The following MAP2K7 variants were observed in gnomAD, a reference collection of about 807,000 sequenced individuals.
MAP2K7 encodes the protein mitogen-activated protein kinase kinase 7, also known as dual specificity mitogen-activated protein kinase kinase 7.
In MAP2K7, 12 loss-of-function variants were observed where a neutral mutation model predicts 47.7. The ratio of observed to expected loss-of-function variants is 0.25; its 90% CI spans 0.16 to 0.41. The LOEUF (loss-of-function observed/expected upper bound fraction) is 0.41, where lower values mean the gene tolerates loss of function less well. MAP2K7 is among the 10% of genes least tolerant of loss of function. The pLI is 1.00. For missense variants in MAP2K7, 415 were observed against 600.3 expected, an observed-to-expected ratio of 0.69 and a Z score of 3.23; for synonymous variants, 299 against 243.0, an observed-to-expected ratio of 1.23 and a Z score of -2.14.
chr19:7,906,878 G>T (rs553841548), intron 1 of MAP2K7: 1 of 152,300 alleles, frequency 6.6e-6, no homozygotes, highest in East Asian at 1.9e-4. Flanking sequence ...AAAATTAGCC[G>T]GGCATGGTGG....
At chr19:7,904,975 C>G (rs1426371328) in intron 1 of MAP2K7, among the ~76,000 whole-genome samples, 1 of 151,726 alleles carries the variant, frequency 6.6e-6, no homozygotes, top group African/African-American at 2.4e-5. Context: ...ACCTCGGTAC[C>G]TACCTCCCTG....
rs1447211340 is a variant in MAP2K7, at chr19:7,910,746, C to G, written c.618C>G (p.Leu206=). The change falls in exon 6 of 11, where the codon CTC becomes CTG. Residue 206 remains leucine (L), a synonymous_variant. Coordinates refer to ENST00000397979, the MANE Select transcript of MAP2K7 (RefSeq NM_145185.4). The part of the protein sequence containing the change: ...MELMGTCAEK[L]KKRMQGPIPE... ...TCATGGGCACCTGCGCTGAGAAGCT[C>G]AAGAAGCGGATGCAGGGCCCCATCC... 1.2e-6 allele frequency: 2 copies of G among 1,612,086 alleles called. No homozygotes were observed. The highest frequency in any genetic ancestry group is 1.3e-5 in the African/African-American group (1 of 74,978).
chr19:7,913,789 C>G lies in MAP2K7; in HGVS notation c.*1358C>G, dbSNP rs1266808576. The stretch of plus-strand genomic sequence containing the variant: ...AAACAAGAAAAAAAAAACACAAAAC[C>G]CCGTAAAATCACAAAGAAAATCCAA... On this transcript the variant is annotated 3_prime_UTR_variant, in exon 11 of 11. Transcript: ENST00000397979. The G allele has an allele frequency of 6.6e-6, 1 of 152,416 alleles. No homozygotes were observed. The highest frequency in any genetic ancestry group is 1.5e-5 in the Non-Finnish European group (1 of 67,994). The allele number at this position is 152,416 out of a possible 1,614,324, so 9.4% of individuals were successfully genotyped here. A position where few individuals can be genotyped will look rare whatever the true frequency, so the allele number is the denominator to read the frequency against.
Position 7,910,263 on chromosome 19 carries a change from T to C in MAP2K7, c.337T>C (p.Tyr113His), listed in dbSNP as rs1428581952. Reference protein sequence around the residue: ...TGYLTIGGQRYQAEINDLENL... With the variant: ...TGYLTIGGQRHQAEINDLENL... Reference sequence around the variant, plus strand: ...CCAACCCTCCCTCTCCTCCCAGCGCTACCAGGCAGAAATCAACGACCTGGA... The same window carrying C: ...CCAACCCTCCCTCTCCTCCCAGCGCCACCAGGCAGAAATCAACGACCTGGA... Residue 113 changes from tyrosine (Y) to histidine (H), a missense_variant, in exon 4 of 11, where the codon TAC (tyrosine) becomes CAC (histidine). Transcript: ENST00000397979. The C allele has an allele frequency of 6.2e-6, 10 of 1,612,958 alleles. No homozygotes were observed. Among genetic ancestry groups the C allele is most frequent in the Non-Finnish European group, 8.5e-6 (10 of 1,179,802 alleles).
chr19:7,908,220 A>C (rs1210425085), intron 1 of MAP2K7, among the ~76,000 whole-genome samples: 1 of 151,176 alleles, frequency 6.6e-6, no homozygotes, highest in African/African-American at 2.4e-5. Context: ...GGCAGTGGCC[A>C]GGACAGCGGG....
Position 7,911,532 on chromosome 19 carries a change from G to A in MAP2K7, c.1033G>A (p.Gly345Arg), listed in dbSNP as rs200517538. The change falls in exon 9 of 11, where the codon GGA (glycine) becomes AGA (arginine). Residue 345 changes from glycine to arginine, a missense_variant. By Grantham distance (125) the Gly-to-Arg change is moderately radical (BLOSUM62 -2). Around this residue, in one of 3 missense-constraint regions of MAP2K7, gnomAD observed 94 missense variants for 105.2 expected, o/e 0.89. Coordinates refer to ENST00000397979, the MANE Select transcript of MAP2K7 (RefSeq NM_145185.4). ...ACAGGAAGAGCCCCCGCTTCTGCCC[G>A]GACACATGGGCTTCTCGGGGGACTT... ...VLQEEPPLLPGHMGFSGDFQS... is the reference protein window; with the variant it reads ...VLQEEPPLLPRHMGFSGDFQS... The A allele has an allele frequency of 9.6e-5, 155 of 1,610,380 alleles. No homozygotes were observed. The African/African-American group carries it at 9.7e-4, about 10-fold the overall frequency.
At chr19:7,910,608 T>C in intron 5 of MAP2K7, 36 bp downstream of exon 5, 1 of 1,612,636 alleles carries the variant, frequency 6.2e-7, no homozygotes, top group Non-Finnish European at 8.5e-7. Context: ...CGTCTCCTCC[T>C]CCCTCACCCC....
At chr19:7,905,741 G>A in intron 1 of MAP2K7, 1 of 1,339,222 alleles carries the variant, frequency 7.5e-7, no homozygotes, top group Non-Finnish European at 1.1e-6. Context: ...CTTTTCTTTT[G>A]GACGAATCAG....
At chr19:7,905,687 T>C (rs925995429) in intron 1 of MAP2K7, 10 of 835,350 alleles carry the variant, frequency 1.2e-5, no homozygotes, top group Non-Finnish European at 2.1e-5. Flanking sequence ...TAGCCATCTC[T>C]GCAGTTCGGT....
chr19:7,912,241 G>A lies in MAP2K7; in HGVS notation c.1125+47G>A, dbSNP rs116670144. The A allele has an allele frequency of 7.1e-4, 1,139 of 1,613,566 alleles. 4 individuals are homozygous for A. The African/African-American group carries it at 9.8e-3, about 14-fold the overall frequency. ...GTCCCCGTCCTGTCCCTGCGGAGGCGCGAGGCCAGGAGGGAAGACCGTCTC... is the reference window on the plus strand; with the variant it reads ...GTCCCCGTCCTGTCCCTGCGGAGGCACGAGGCCAGGAGGGAAGACCGTCTC... On this transcript the variant is annotated intron_variant, in intron 10 of 10. Transcript: ENST00000397979.
In MAP2K7 at chr19:7,910,459, C is replaced by G; in HGVS notation, c.454C>G (p.Arg152Gly). The G allele has an allele frequency of 6.2e-7, 1 of 1,606,262 alleles. No homozygotes were observed. Among genetic ancestry groups the G allele is most frequent in the Non-Finnish European group, 8.5e-7 (1 of 1,176,658 alleles). ...CCTGTCCCTGCCTGTGCAGCAAATG[C>G]GGCGCTCCGGGAACAAGGAGGAGAA... ...TGHVIAVKQM[R>G]RSGNKEENKR... The change falls in exon 5 of 11, where the codon CGG becomes GGG. Residue 152 changes from arginine (R) to glycine (G), a missense_variant. Arg to Gly is a moderately radical substitution (Grantham distance 125). This residue lies in a region of MAP2K7 where 206 missense variants were observed against 368.8 expected (regional missense o/e 0.56). Coordinates refer to ENST00000397979, the MANE Select transcript of MAP2K7 (RefSeq NM_145185.4).
chr19:7,912,045 A>G, intron 9 of MAP2K7, 104 bp from the exon 10 acceptor site: 1 of 1,060,384 alleles, frequency 9.4e-7, no homozygotes, highest in South Asian at 1.4e-5. Flanking sequence ...CCCCACACAC[A>G]TCTTGGGGAC....
chr19:7,904,780 A>G (rs1487321850), intron 1 of MAP2K7, among the ~76,000 whole-genome samples: 2 of 151,336 alleles, frequency 1.3e-5, no homozygotes, highest in Non-Finnish European at 1.5e-5. Context: ...GTGGTGTCTG[A>G]CCTCCAGAAA....
At position 7,910,868 on chromosome 19, in the gene MAP2K7, G is replaced by A. The variant is rs12610278; in HGVS notation, c.675+65G>A. The A allele has an allele frequency of 1.2e-5, 18 of 1,559,182 alleles. No homozygotes were observed. In the East Asian group the frequency reaches 1.6e-4, roughly 14 times the overall value. Reference sequence around the variant, plus strand: ...GAGGCGGTGAGTGACCAGGCGGGGCGTGCACTGGGCAAGATGACAGTGGCG... The same window carrying A: ...GAGGCGGTGAGTGACCAGGCGGGGCATGCACTGGGCAAGATGACAGTGGCG... On this transcript the variant is annotated intron_variant, in intron 6 of 10. Coordinates refer to ENST00000397979, the MANE Select transcript of MAP2K7 (RefSeq NM_145185.4).
chr19:7,907,027 A>C (rs1481244409), intron 1 of MAP2K7: 1 of 151,834 alleles, frequency 6.6e-6, no homozygotes, highest in South Asian at 2.1e-4. Flanking sequence ...CCTGGGCAAC[A>C]AGAGCAAAAC....
At chr19:7,905,800 C>G in intron 1 of MAP2K7, 1 of 1,611,476 alleles carries the variant, frequency 6.2e-7, no homozygotes. Context: ...TTCCTTTTCC[C>G]CATCCAGTTA....
In MAP2K7 at chr19:7,912,688, A is replaced by G. The variant is rs972771553; in HGVS notation, c.*257A>G. 1.8e-5 allele frequency: 10 copies of G among 548,356 alleles called. No individual in the cohort carries two copies. The highest frequency in any genetic ancestry group is 2.9e-5 in the Non-Finnish European group (9 of 308,644). 34.0% of individuals were successfully genotyped at this position (548,356 alleles called of 1,614,324 possible). ...GAACGGAAGACAGCAGGCCGCGATC[A>G]GAGTCGCTGTTCATTCAGCCGCAGC... On this transcript the variant is annotated 3_prime_UTR_variant, in exon 11 of 11. Coordinates refer to ENST00000397979, the MANE Select transcript of MAP2K7 (RefSeq NM_145185.4).
In MAP2K7 at chr19:7,913,102, G is replaced by C. The variant is rs895678929; in HGVS notation, c.*671G>C. The stretch of plus-strand genomic sequence containing the variant: ...CAGGGGGTCCTTTTTGGAGTTTATT[G>C]TATTTTATTGTACTTGGTGGGGTGT... On this transcript the variant is annotated 3_prime_UTR_variant, in exon 11 of 11. Transcript: ENST00000397979. The C allele has an allele frequency of 2.0e-5, 3 of 152,204 alleles. No homozygotes were observed. The highest frequency in any genetic ancestry group is 4.4e-5 in the Non-Finnish European group (3 of 68,082). The allele number at this position is 152,204 out of a possible 1,614,324, so 9.4% of individuals were successfully genotyped here. A position where few individuals can be genotyped will look rare whatever the true frequency, so the allele number is the denominator to read the frequency against.
chr19:7,910,384 G>C lies in MAP2K7; in HGVS notation c.447+11G>C, dbSNP rs1215002182. ...GTCATTGCCGTTAAGGTGAGCCTTG[G>C]CGGCTACCCCGGCTGCGCCCCACAC... On this transcript the variant is annotated intron_variant, in intron 4 of 10. Transcript: ENST00000397979. 1.2e-6 allele frequency: 2 copies of C among 1,610,500 alleles called. No individual in the cohort carries two copies. Among genetic ancestry groups the C allele is most frequent in the East Asian group, 4.5e-5 (2 of 44,734 alleles).
Sources: gnomAD v4.1 joint callset for allele counts (sites outside exome capture counted in the v4.1 genomes callset) on GRCh38, gnomAD v4.1.1 for gene constraint, gnomAD v4.1.1 regional missense constraint, MANE v1.5 for transcripts, NCBI Gene and HGNC (gene_info 2026-07-23, HGNC 2026-07-21) for gene names.